TBC1D19: variants seen among roughly 807,000 people sequenced by gnomAD.
TBC1D19 encodes the protein TBC1 domain family, member 19.
Under a neutral mutation model 89.0 loss-of-function variants are expected in TBC1D19, and 60 were observed. That is an observed-to-expected ratio of 0.67 (90% confidence interval 0.55 to 0.84). The LOEUF (loss-of-function observed/expected upper bound fraction) is 0.84. Ranked by LOEUF, TBC1D19 falls within the 40% of genes least tolerant of loss-of-function variation. The pLI is 0.00. For synonymous variants in TBC1D19, 189 were observed against 199.7 expected, an observed-to-expected ratio of 0.95 and a Z score of 0.45; for missense variants, 500 against 610.8, an observed-to-expected ratio of 0.82 and a Z score of 1.91.
At chr4:26,621,863 A>G (rs1381561844) in intron 4 of TBC1D19, among the ~76,000 whole-genome samples, 2 of 152,090 alleles carry the variant, frequency 1.3e-5, no homozygotes, top group Non-Finnish European at 2.9e-5. Flanking sequence ...ACAACGATAG[A>G]CTGGATTAAG....
At chr4:26,632,857 C>T (rs1477445375) in intron 4 of TBC1D19, among the ~76,000 whole-genome samples, 3 of 152,072 alleles carry the variant, frequency 2.0e-5, no homozygotes, top group African/African-American at 7.2e-5. Context: ...TGTTTTTTGG[C>T]ACCACTTCTT....
intron 7 of TBC1D19, among the ~76,000 whole-genome samples, chr4:26,640,617 G>A (rs1743435044): frequency 6.6e-6 from 1 of 152,180 alleles, no homozygotes; most frequent in Non-Finnish European, 1.5e-5. Flanking sequence ...CCTCACCTGG[G>A]AAGGGCAAGG....
chr4:26,661,765 A>G (rs1039288487), intron 8 of TBC1D19, among the ~76,000 whole-genome samples: 3 of 152,202 alleles, frequency 2.0e-5, no homozygotes, highest in African/African-American at 7.2e-5. Context: ...ATGACAGTAT[A>G]CTAGCATGCC....
Position 26,604,412 on chromosome 4 carries a change from G to T in TBC1D19, c.100-8757G>T, listed in dbSNP as rs1218584147. Among the ~76,000 whole-genome samples the T allele has an allele frequency of 2.7e-5, 4 of 150,676 alleles. No homozygotes were observed. The East Asian group carries it at 8.0e-4, about 30-fold the overall frequency. ...TGTGATCCGCCCGCCTCGGCCTCCCGAAGTGCTGGGATTACAGGCGTGAGC... is the reference window on the plus strand; with the variant it reads ...TGTGATCCGCCCGCCTCGGCCTCCCTAAGTGCTGGGATTACAGGCGTGAGC... On this transcript the variant is annotated intron_variant, in intron 1 of 20. Transcript: ENST00000264866.
rs1264557282 is a variant in TBC1D19 at position 26,585,804 on chromosome 4, T to C, written c.99+1512T>C. ...TTCACCATGTTGGCCAGGCTGGTCT[T>C]GAACTCCTGATCTCAAGTGATCTGC... On this transcript the variant is annotated intron_variant, in intron 1 of 20. Transcript: ENST00000264866. 3.3e-5 allele frequency among the ~76,000 whole-genome samples: 5 copies of C among 152,052 alleles called. No individual in the cohort carries two copies. The East Asian group carries it at 9.7e-4, about 29-fold the overall frequency.
At chr4:26,606,628 A>G (rs775020313) in intron 1 of TBC1D19, among the ~76,000 whole-genome samples, 7 of 152,160 alleles carry the variant, frequency 4.6e-5, no homozygotes, top group African/African-American at 7.2e-5. Context: ...GTAGAGTTTT[A>G]AATTTAGAGT....
At chr4:26,841,575 T>C in the TBC1D19 span, among the ~76,000 whole-genome samples, 1 of 152,012 alleles carries the variant, frequency 6.6e-6, no homozygotes, top group Admixed American at 6.6e-5. Context: ...CACTGAGGTG[T>C]GGTGCATGCG....
intron 17 of TBC1D19, chr4:26,740,804 T>C: frequency 1.0e-6 from 1 of 985,448 alleles, no homozygotes; most frequent in Non-Finnish European, 1.2e-6. Flanking sequence ...ATTATTGCTA[T>C]GAAATTAAAT....
chr4:26,795,347 G>A, the TBC1D19 span, among the ~76,000 whole-genome samples: 34 of 152,220 alleles, frequency 2.2e-4, no homozygotes, highest in East Asian at 6.2e-3. Context: ...CCAACTTGTG[G>A]TAGCTACTAT....
intron 7 of TBC1D19, among the ~76,000 whole-genome samples, chr4:26,642,087 A>G (rs748032011): frequency 3.9e-5 from 6 of 152,192 alleles, no homozygotes; most frequent in Non-Finnish European, 5.9e-5. Context: ...AACACCACAA[A>G]GACACTCCTC....
chr4:26,778,732 G>A, the TBC1D19 span, among the ~76,000 whole-genome samples: 1 of 152,122 alleles, frequency 6.6e-6, no homozygotes, highest in Non-Finnish European at 1.5e-5. Flanking sequence ...AACCCCATTA[G>A]AACTGAAGAA....
At chr4:26,740,007 T>C (rs749012064) in intron 17 of TBC1D19, 34 bp downstream of exon 17, 2 of 1,382,626 alleles carry the variant, frequency 1.4e-6, no homozygotes, top group Non-Finnish European at 2.0e-6. Context: ...TCAAATTAGG[T>C]TGGATTGTAA....
In TBC1D19 at chr4:26,642,809, A is replaced by G. The variant is rs991198363; in HGVS notation, c.480+2622A>G. On this transcript the variant is annotated intron_variant, in intron 7 of 20. Coordinates refer to ENST00000264866, the MANE Select transcript of TBC1D19 (RefSeq NM_018317.4). ...GTCTCTGATAAAACAGACTTTAAAC[A>G]AACAAAGATCAAAAGAGACAAAGAA... Among the ~76,000 whole-genome samples, 7 of 130,138 alleles carry G rather than the reference A, an allele frequency of 5.4e-5. No individual in the cohort carries two copies. In the Admixed American group the frequency reaches 6.3e-4, roughly 12 times the overall value. 85.4% of individuals were successfully genotyped at this position (130,138 alleles called of 152,430 possible).
intron 15 of TBC1D19, among the ~76,000 whole-genome samples, chr4:26,731,270 C>A (rs1717647054): frequency 6.6e-6 from 1 of 151,908 alleles, no homozygotes; most frequent in Non-Finnish European, 1.5e-5. Flanking sequence ...AGGGACAGGG[C>A]CAGAGGTAGA....
At chr4:26,596,197 T>C (rs1740199188) in intron 1 of TBC1D19, among the ~76,000 whole-genome samples, 1 of 152,128 alleles carries the variant, frequency 6.6e-6, no homozygotes, top group Non-Finnish European at 1.5e-5. Flanking sequence ...CCTCATATGA[T>C]CCATCTGCCT....
intron 9 of TBC1D19, among the ~76,000 whole-genome samples, chr4:26,669,926 C>T (rs1300120921): frequency 2.0e-5 from 3 of 151,498 alleles, no homozygotes; most frequent in Non-Finnish European, 4.4e-5. Flanking sequence ...TGAAAAGAAT[C>T]GAGTTGTTAT....
At chr4:26,620,347 G>T (rs1014818846) in intron 3 of TBC1D19, among the ~76,000 whole-genome samples, 2 of 152,154 alleles carry the variant, frequency 1.3e-5, no homozygotes, top group Non-Finnish European at 2.9e-5. Context: ...TTATTTGTAT[G>T]TGTTTGTGAT....
chr4:26,608,238 A>G (rs912726415), intron 1 of TBC1D19, among the ~76,000 whole-genome samples: 6 of 152,138 alleles, frequency 3.9e-5, no homozygotes, highest in African/African-American at 1.4e-4. Flanking sequence ...AAATGCAAAC[A>G]TGTCTTTGAT....
the TBC1D19 span, among the ~76,000 whole-genome samples, chr4:26,839,882 G>A: frequency 1.3e-5 from 2 of 152,168 alleles, no homozygotes; most frequent in South Asian, 2.1e-4. Flanking sequence ...TTGGTATTGC[G>A]TAGGGTGAGT....
Sources: allele counts gnomAD v4.1 joint callset (sites outside exome capture counted in the v4.1 genomes callset), GRCh38; gene constraint gnomAD v4.1.1; transcripts MANE v1.5; gene names NCBI Gene and HGNC (gene_info 2026-07-23, HGNC 2026-07-21).